USP3: variants seen among roughly 807,000 people sequenced by gnomAD.
The protein encoded by USP3 is ubiquitin specific peptidase 3.
Under a neutral mutation model 72.3 loss-of-function variants are expected in USP3, and 20 were observed. The ratio of observed to expected loss-of-function variants is 0.28; its 90% CI spans 0.19 to 0.40. The LOEUF is 0.40. Ranked by LOEUF, USP3 falls within the 10% of genes least tolerant of loss-of-function variation. The probability of loss-of-function intolerance (pLI) is 1.00; values close to 1 mark genes in which losing one functional copy is unlikely to be tolerated. For missense variants in USP3, 479 were observed against 633.9 expected, an observed-to-expected ratio of 0.76 and a Z score of 2.62; for synonymous variants, 222 against 225.3, an observed-to-expected ratio of 0.99 and a Z score of 0.13.
At chr15:63,534,242 T>C (rs971421785) in intron 2 of USP3, among the ~76,000 whole-genome samples, 1 of 152,186 alleles carries the variant, frequency 6.6e-6, no homozygotes, top group African/African-American at 2.4e-5. Context: ...ACATAGCTGA[T>C]TGGTTAATAT....
intron 8 of USP3, 117 bp downstream of exon 8, chr15:63,563,125 G>C (rs970024437): frequency 1.4e-6 from 1 of 695,146 alleles, no homozygotes; most frequent in Non-Finnish European, 2.1e-6. Flanking sequence ...GACTGGTTTG[G>C]TGTTTTTTTC....
rs2067214657 is a variant in USP3, at chr15:63,592,192, AT to A, written c.*1368del. ...TGCCTCAGCCTCCCAAAGTGCTGAG[AT>A]TACAGGCGTGAGCCATCACGCCCAG... On this transcript the variant is annotated 3_prime_UTR_variant, in exon 15 of 15. Transcript: ENST00000380324. 1 of 152,082 alleles carries A rather than the reference AT, an allele frequency of 6.6e-6. No individual in the cohort carries two copies. The highest frequency in any genetic ancestry group is 2.4e-5 in the African/African-American group (1 of 41,400). The allele number at this position is 152,082 out of a possible 1,614,324, so 9.4% of individuals were successfully genotyped here.
At chr15:63,547,816 TAGAGAG>T (rs138633272) in intron 3 of USP3, among the ~76,000 whole-genome samples, 46 of 19,314 alleles carry the variant, frequency 2.4e-3, no homozygotes, top group East Asian at 8.5e-3. Context: ...GAGAGAGGCA[TAGAGAG>T]AGAGAGAGAG....
At chr15:63,540,945 A>C (rs74018110) in intron 3 of USP3, among the ~76,000 whole-genome samples, 2,400 of 152,310 alleles carry the variant, frequency 0.016, 63 homozygotes, top group African/African-American at 0.055. Flanking sequence ...CCCTTAACCA[A>C]TACAAATGGA....
chr15:63,564,683 A>G (rs1020718258), intron 8 of USP3, among the ~76,000 whole-genome samples: 3 of 152,216 alleles, frequency 2.0e-5, no homozygotes, highest in Admixed American at 2.0e-4. Context: ...CAGGCTGACG[A>G]ATGTAGCATG....
intron 3 of USP3, among the ~76,000 whole-genome samples, chr15:63,538,453 G>A (rs2066192325): frequency 6.6e-6 from 1 of 152,020 alleles, no homozygotes; most frequent in South Asian, 2.1e-4. Flanking sequence ...AATGGTGTGA[G>A]AATCCTTTCC....
intron 1 of USP3, among the ~76,000 whole-genome samples, chr15:63,531,595 T>TA (rs2066076887): frequency 6.6e-6 from 1 of 152,210 alleles, no homozygotes; most frequent in Non-Finnish European, 1.5e-5. Context: ...AATTTTTTTT[T>TA]AACAGTGAGA....
chr15:63,583,949 G>A (rs2067007986), intron 11 of USP3, among the ~76,000 whole-genome samples: 1 of 152,052 alleles, frequency 6.6e-6, no homozygotes, highest in Admixed American at 6.5e-5. Context: ...AAGTATCTGA[G>A]TTCCTGCTTC....
chr15:63,547,790 G>GGC (rs2066361678), intron 3 of USP3, among the ~76,000 whole-genome samples: 4 of 104,532 alleles, frequency 3.8e-5, no homozygotes, highest in Admixed American at 9.1e-5. Context: ...GAGAGAGAGA[G>GGC]AGAGAGAGAG....
chr15:63,508,262 G>T (rs563340862), intron 1 of USP3, among the ~76,000 whole-genome samples: 25 of 152,290 alleles, frequency 1.6e-4, no homozygotes, highest in Admixed American at 1.4e-3. Context: ...AAGGATACCT[G>T]CTCATATCAA....
intron 3 of USP3, among the ~76,000 whole-genome samples, chr15:63,538,982 T>C (rs2066202197): frequency 6.6e-6 from 1 of 152,104 alleles, no homozygotes; most frequent in Non-Finnish European, 1.5e-5. Flanking sequence ...GAAATGAAAA[T>C]CTTCCCAAGA....
intron 1 of USP3, among the ~76,000 whole-genome samples, chr15:63,508,428 A>G (rs1392532387): frequency 2.6e-5 from 4 of 152,122 alleles, no homozygotes; most frequent in African/African-American, 7.2e-5. Context: ...TAGCTGGGGG[A>G]GAGACAGGAA....
intron 4 of USP3, among the ~76,000 whole-genome samples, chr15:63,554,602 C>T (rs1284131996): frequency 1.3e-5 from 2 of 152,136 alleles, no homozygotes; most frequent in Non-Finnish European, 2.9e-5. Flanking sequence ...GTGAAAACAT[C>T]CACAAAGCAG....
At position 63,547,757 on chromosome 15, in the gene USP3, GGAGGGAGAGAGAGAGAGAGAGAGA is replaced by G. The variant is rs1365943120; in HGVS notation, c.285-5954_285-5931del. Among the ~76,000 whole-genome samples the G allele has an allele frequency of 9.1e-4, 36 of 39,616 alleles. 1 individual carries two copies. The highest frequency in any genetic ancestry group is 1.3e-3 in the African/African-American group (13 of 9,660). The allele number at this position is 39,616 out of a possible 152,430, so 26.0% of individuals were successfully genotyped here. On this transcript the variant is annotated intron_variant, in intron 3 of 14. Transcript: ENST00000380324. ...GAGAGAGAGAGAGGGAGGGAGGGAGGGAGGGAGAGAGAGAGAGAGAGAGAGAGAGAGAGAGAGAGAGAGGCATAG... is the reference window on the plus strand; with the variant it reads ...GAGAGAGAGAGAGGGAGGGAGGGAGGGAGAGAGAGAGAGAGAGAGGCATAG...
chr15:63,532,423 A>T, intron 1 of USP3: 1 of 595,502 alleles, frequency 1.7e-6, no homozygotes, highest in South Asian at 2.0e-5. Context: ...ATTTGGGTTG[A>T]GTCAGCAATT....
At chr15:63,527,978 C>T (rs889268981) in intron 1 of USP3, 1 of 152,214 alleles carries the variant, frequency 6.6e-6, no homozygotes, top group African/African-American at 2.4e-5. Context: ...ATAGCTTCTA[C>T]CTTCTGGAGA....
rs566020973 is a variant in USP3, at chr15:63,590,979, C to T, written c.*153C>T. 4.5e-6 allele frequency: 4 copies of T among 895,238 alleles called. No individual in the cohort carries two copies. Among genetic ancestry groups the T allele is most frequent in the Non-Finnish European group, 6.1e-6 (4 of 652,474 alleles). 55.5% of individuals were successfully genotyped at this position (895,238 alleles called of 1,614,324 possible). A position where few individuals can be genotyped will look rare whatever the true frequency, so the allele number is the denominator to read the frequency against. On this transcript the variant is annotated 3_prime_UTR_variant, in exon 15 of 15. Transcript: ENST00000380324. ...ATGGTAGTGACTTACTGAACATGGG[C>T]ACCAACTAATTTTGTTGTTGTTCTA... is the stretch of plus-strand genomic sequence containing the variant.
intron 1 of USP3, among the ~76,000 whole-genome samples, chr15:63,522,065 G>A (rs918470471): frequency 2.6e-5 from 4 of 152,108 alleles, no homozygotes; most frequent in Admixed American, 6.5e-5. Flanking sequence ...TTGTAGAGGC[G>A]AGGTCTCACT....
Position 63,570,661 on chromosome 15 carries a change from A to T in USP3, c.908+82A>T, listed in dbSNP as rs1260949363. On this transcript the variant is annotated intron_variant, in intron 9 of 14. Transcript: ENST00000380324. The surrounding 1 kb of genome is among the most constrained non-coding windows in gnomAD (Gnocchi z 4.4). ...TAATTATGTGTTAGATTTATAACGGAAGGTAGAGGGGTTTCTTGGACATTT... is the reference window on the plus strand; with the variant it reads ...TAATTATGTGTTAGATTTATAACGGTAGGTAGAGGGGTTTCTTGGACATTT... 1 of 1,526,846 alleles carries T rather than the reference A, an allele frequency of 6.5e-7. No homozygotes were observed. The highest frequency in any genetic ancestry group is 2.3e-5 in the East Asian group (1 of 43,886). 94.6% of individuals were successfully genotyped at this position (1,526,846 alleles called of 1,614,324 possible).
Sources: allele counts gnomAD v4.1 joint callset (sites outside exome capture counted in the v4.1 genomes callset), GRCh38; gene constraint gnomAD v4.1.1; non-coding constraint Gnocchi (gnomAD v3.1); transcripts MANE v1.5; gene names NCBI Gene and HGNC (gene_info 2026-07-23, HGNC 2026-07-21).